Variants in CTDP1 observed in about 807,000 individuals in gnomAD.
CTDP1 encodes the protein RNA polymerase II subunit A C-terminal domain phosphatase.
A neutral mutation model predicts 91.8 loss-of-function variants in CTDP1; 47 were observed. That is an observed-to-expected ratio of 0.51 (90% CI 0.41 to 0.65). The LOEUF (loss-of-function observed/expected upper bound fraction) is 0.65. Ranked by LOEUF, CTDP1 falls within the 30% of genes least tolerant of loss-of-function variation. CTDP1 has a pLI of 0.00. For missense variants in CTDP1, 1,272 were observed against 1,373.7 expected, an observed-to-expected ratio of 0.93 and a Z score of 1.17; for synonymous variants, 656 against 598.5, an observed-to-expected ratio of 1.10 and a Z score of -1.40.
At chr18:79,705,544 C>T (rs536413699) in intron 5 of CTDP1, among the ~76,000 whole-genome samples, 3 of 151,596 alleles carry the variant, frequency 2.0e-5, no homozygotes, top group East Asian at 2.0e-4. Flanking sequence ...TCCACGTGGA[C>T]GAAGCAACGT....
In CTDP1 at chr18:79,687,492, G is replaced by A. The variant is rs1264639925; in HGVS notation, c.314+7231G>A. On this transcript the variant is annotated intron_variant, in intron 1 of 12. Transcript: ENST00000613122. Reference sequence around the variant, plus strand: ...GGCCTGCACCGCAGCAGTTGGCTTCGTCAGTTCACTGGTGGGCCTGCACCG... The same window carrying A: ...GGCCTGCACCGCAGCAGTTGGCTTCATCAGTTCACTGGTGGGCCTGCACCG... 1.2e-4 allele frequency among the ~76,000 whole-genome samples: 14 copies of A among 115,602 alleles called. No homozygotes were observed. The East Asian group carries it at 3.9e-3, about 32-fold the overall frequency. The allele number at this position is 115,602 out of a possible 152,430, so 75.8% of individuals were successfully genotyped here.
intron 1 of CTDP1, chr18:79,680,783 A>G (rs974157188): frequency 6.6e-6 from 1 of 152,396 alleles, no homozygotes; most frequent in Non-Finnish European, 1.5e-5. Context: ...CCCGTGGTTG[A>G]CCACAGTGGG....
At chr18:79,716,699 G>A (rs72999407) in intron 8 of CTDP1, among the ~76,000 whole-genome samples, 19,146 of 152,230 alleles carry the variant, frequency 0.13, 1,588 homozygotes, top group Non-Finnish European at 0.19. Context: ...TCAGGTGCCC[G>A]CCTGCCCTGT....
chr18:79,725,782 G>GAC (rs1599277535), intron 10 of CTDP1, among the ~76,000 whole-genome samples: 2 of 152,066 alleles, frequency 1.3e-5, no homozygotes, highest in East Asian at 3.9e-4. Flanking sequence ...CTTGCTGGGG[G>GAC]ACGTTTTCAC....
At chr18:79,698,926 A>AC (rs1289666543) in intron 4 of CTDP1, among the ~76,000 whole-genome samples, 1 of 152,176 alleles carries the variant, frequency 6.6e-6, no homozygotes, top group Non-Finnish European at 1.5e-5. Flanking sequence ...CAAATTTGTG[A>AC]CAAGCTTCAT....
At chr18:79,716,876 G>A (rs1430988796) in intron 8 of CTDP1, among the ~76,000 whole-genome samples, 5 of 152,254 alleles carry the variant, frequency 3.3e-5, no homozygotes, top group African/African-American at 1.2e-4. Flanking sequence ...CGCTGTGCCC[G>A]GCTCCCCGTC....
chr18:79,679,757 T>A (rs1419939183), upstream of CTDP1: 4 of 534,878 alleles, frequency 7.5e-6, no homozygotes, highest in Non-Finnish European at 1.3e-5. Context: ...CACGCGCACG[T>A]ACGCACGTAC....
intron 4 of CTDP1, among the ~76,000 whole-genome samples, chr18:79,699,178 G>A (rs1357997618): frequency 6.6e-6 from 1 of 152,202 alleles, no homozygotes; most frequent in Non-Finnish European, 1.5e-5. Flanking sequence ...TTACACAGCA[G>A]TCTATTCTTC....
At chr18:79,698,112 G>C (rs1363357908) in intron 4 of CTDP1, 124 bp downstream of exon 4, 1 of 1,406,624 alleles carries the variant, frequency 7.1e-7, no homozygotes. Flanking sequence ...TTGGAAAGCA[G>C]ACTTGCTAGT....
intron 12 of CTDP1, among the ~76,000 whole-genome samples, chr18:79,738,051 C>T (rs1377621985): frequency 3.0e-4 from 46 of 151,588 alleles, no homozygotes; most frequent in Non-Finnish European, 1.5e-5. Flanking sequence ...TCACCGCCCC[C>T]GGGAGTTGCC....
chr18:79,739,405 G>GTT (rs150573212), intron 12 of CTDP1, among the ~76,000 whole-genome samples: 4 of 144,208 alleles, frequency 2.8e-5, no homozygotes, highest in East Asian at 4.0e-4. Flanking sequence ...GGTTTTTGTG[G>GTT]TTTTTTTTTT....
In CTDP1 at chr18:79,747,728, C is replaced by T. The variant is rs372141063; in HGVS notation, c.2748-5924C>T. Among the ~76,000 whole-genome samples, 34 of 152,322 alleles carry T rather than the reference C, an allele frequency of 2.2e-4. No individual in the cohort carries two copies. In the South Asian group the frequency reaches 2.7e-3, roughly 12 times the overall value. On this transcript the variant is annotated intron_variant, in intron 12 of 12. Coordinates refer to ENST00000613122, the MANE Select transcript of CTDP1 (RefSeq NM_004715.5). The stretch of plus-strand genomic sequence containing the variant: ...CCGGTGCGTGCAGACCTGGCCACGC[C>T]GGCACGGGTTTTTTAGTGACGTGGC...
intron 5 of CTDP1, among the ~76,000 whole-genome samples, chr18:79,706,536 ATGGCTGTCCCCTATTCTCTGGTTTT>A (rs2122570264): frequency 6.6e-6 from 1 of 151,936 alleles, no homozygotes; most frequent in South Asian, 2.1e-4. Flanking sequence ...CATCATATCC[ATGGCTGTCCCCTATTCTCTGGTTTT>A]TTTTTTGTAT....
rs1237396868 is a variant in CTDP1, at chr18:79,753,772, G to A, written c.2868G>A (p.Glu956=). 2 of 1,613,622 alleles carry A rather than the reference G, an allele frequency of 1.2e-6. No homozygotes were observed. Among genetic ancestry groups the A allele is most frequent in the Admixed American group, 1.7e-5 (1 of 60,016 alleles). Residue 956 remains glutamate (E), a synonymous_variant, in exon 13 of 13, where the codon GAG becomes GAA. Transcript: ENST00000613122. ...AGATGGCCAAGGCGCTGGAGGCGGA[G>A]CTCAACGACCTCATGTGAGCGCGGG... ...ADEMAKALEA[E]LNDLM
At chr18:79,703,800 A>G (rs1247682563) in intron 4 of CTDP1, 1 of 152,230 alleles carries the variant, frequency 6.6e-6, no homozygotes, top group East Asian at 1.9e-4. Context: ...GGTAGTTACC[A>G]GGAGTAGTTA....
chr18:79,728,844 C>G (rs2086505490), intron 10 of CTDP1, 63 bp from the exon 11 acceptor site: 1 of 1,522,814 alleles, frequency 6.6e-7, no homozygotes, highest in Middle Eastern at 1.7e-4. Context: ...GAGTCTGATT[C>G]GGTGCGGAAA....
chr18:79,717,571 A>G lies in CTDP1; in HGVS notation c.2105A>G (p.His702Arg). ...GTGCTGCAGGCACAGGAGTGCGGAC[A>G]CCTGCACGTGGTCAACCCTGACTGG... ...EKVLQAQECGHLHVVNPDWLW... is the reference protein window; with the variant it reads ...EKVLQAQECGRLHVVNPDWLW... Residue 702 changes from histidine to arginine, a missense_variant, in exon 9 of 13, where the codon CAC (histidine) becomes CGC (arginine). Around this residue, in one of 3 missense-constraint regions of CTDP1, gnomAD observed 881 missense variants for 911.6 expected, o/e 0.97. Transcript: ENST00000613122. 6.2e-7 allele frequency: 1 copy of G among 1,613,810 alleles called. No homozygotes were observed. The highest frequency in any genetic ancestry group is 8.5e-7 in the Non-Finnish European group (1 of 1,179,944).
At chr18:79,695,417 C>G in intron 2 of CTDP1, 109 bp downstream of exon 2, 4 of 981,522 alleles carry the variant, frequency 4.1e-6, no homozygotes, top group Non-Finnish European at 6.5e-6. Flanking sequence ...GGTTTCCCAG[C>G]GGCAGATGCA....
At chr18:79,684,920 T>C (rs2085453787) in intron 1 of CTDP1, among the ~76,000 whole-genome samples, 1 of 134,768 alleles carries the variant, frequency 7.4e-6, no homozygotes, top group Admixed American at 7.4e-5. Flanking sequence ...GAGGTCCTGG[T>C]GAGGAGGACG....
Sources: gnomAD v4.1 joint callset for allele counts (sites outside exome capture counted in the v4.1 genomes callset) on GRCh38, gnomAD v4.1.1 for gene constraint, gnomAD v4.1.1 regional missense constraint, MANE v1.5 for transcripts, NCBI Gene and HGNC (gene_info 2026-07-23, HGNC 2026-07-21) for gene names.